ANKS1B: variants seen among roughly 807,000 people sequenced by gnomAD.
The protein encoded by ANKS1B is ankyrin repeat and sterile alpha motif domain-containing protein 1B.
In ANKS1B, 36 loss-of-function variants were observed where a neutral mutation model predicts 148.3. The ratio of observed to expected loss-of-function variants is 0.24; its 90% confidence interval spans 0.19 to 0.32. The LOEUF (loss-of-function observed/expected upper bound fraction) is 0.32, where lower values mean the gene tolerates loss of function less well. Ranked by LOEUF, ANKS1B falls within the 10% of genes least tolerant of loss-of-function variation. ANKS1B has a pLI of 1.00. For synonymous variants in ANKS1B, 542 were observed against 560.8 expected, an observed-to-expected ratio of 0.97 and a Z score of 0.47; for missense variants, 1,157 against 1,542.6, an observed-to-expected ratio of 0.75 and a Z score of 4.19.
chr12:99,840,693 T>C (rs765537706), intron 1 of ANKS1B, among the ~76,000 whole-genome samples: 2 of 152,078 alleles, frequency 1.3e-5, no homozygotes, highest in African/African-American at 2.4e-5. Context: ...AACTAGAAAA[T>C]TGGAATTGCC....
At chr12:99,900,011 G>T (rs554358335) in intron 1 of ANKS1B, among the ~76,000 whole-genome samples, 1 of 151,804 alleles carries the variant, frequency 6.6e-6, no homozygotes, top group East Asian at 2.0e-4. Flanking sequence ...CGATTCTCCT[G>T]CCTCAGCCTC....
rs781754804 is a variant in ANKS1B, at chr12:98,801,131, A to G, written c.3142-6T>C. 9.9e-6 allele frequency: 16 copies of G among 1,611,396 alleles called. 1 individual carries two copies. The highest frequency in any genetic ancestry group is 3.3e-4 in the Middle Eastern group (2 of 6,052). On this transcript the variant is annotated splice_polypyrimidine_tract_variant and splice_region_variant and intron_variant, in intron 20 of 26. Coordinates refer to ENST00000683438, the MANE Select transcript of ANKS1B (RefSeq NM_001352186.2). This position sits in a 1 kb window ranked among gnomAD's most constrained non-coding sequence, Gnocchi z 5.2. ...GGTTCTCCCCAGTCTCCTGTCTGAAAATGACATTTATTCTAGAGGCAATAT... is the reference window on the plus strand; with the variant it reads ...GGTTCTCCCCAGTCTCCTGTCTGAAGATGACATTTATTCTAGAGGCAATAT...
chr12:99,900,963 C>T (rs2093578977), intron 1 of ANKS1B, among the ~76,000 whole-genome samples: 1 of 152,104 alleles, frequency 6.6e-6, no homozygotes, highest in African/African-American at 2.4e-5. Context: ...CTTTTTGTTT[C>T]TGAAGAATGA....
chr12:99,442,393 C>T (rs1262063916), intron 11 of ANKS1B, among the ~76,000 whole-genome samples: 1 of 151,778 alleles, frequency 6.6e-6, no homozygotes, highest in Non-Finnish European at 1.5e-5. Flanking sequence ...CAAATGTTAC[C>T]TGTGCCTAAA....
chr12:99,906,487 T>G (rs80033415), intron 1 of ANKS1B, among the ~76,000 whole-genome samples: 1,618 of 152,322 alleles, frequency 0.011, 22 homozygotes, highest in African/African-American at 0.036. Context: ...ACACCTAATA[T>G]AACTCATTCT....
chr12:99,691,103 T>C (rs777393480), intron 8 of ANKS1B, among the ~76,000 whole-genome samples: 1 of 152,250 alleles, frequency 6.6e-6, no homozygotes, highest in African/African-American at 2.4e-5. Context: ...GACCAAGCTG[T>C]ACCTTTGCCC....
chr12:99,512,597 C>A (rs2096777627), intron 9 of ANKS1B, among the ~76,000 whole-genome samples: 1 of 152,002 alleles, frequency 6.6e-6, no homozygotes, highest in Non-Finnish European at 1.5e-5. Flanking sequence ...AAGATACATG[C>A]ACATATAAGT....
chr12:99,112,580 A>G (rs1194385388), intron 15 of ANKS1B, among the ~76,000 whole-genome samples: 2 of 152,096 alleles, frequency 1.3e-5, no homozygotes, highest in East Asian at 3.9e-4. Flanking sequence ...TGATCCTGGC[A>G]CAGTATGTAT....
At chr12:99,431,264 T>C (rs1334659396) in intron 11 of ANKS1B, among the ~76,000 whole-genome samples, 2 of 152,238 alleles carry the variant, frequency 1.3e-5, no homozygotes, top group Non-Finnish European at 2.9e-5. Flanking sequence ...ATAATGGTCT[T>C]ATCCATCTCA....
At chr12:98,955,534 A>T (rs2099860778) in intron 17 of ANKS1B, among the ~76,000 whole-genome samples, 1 of 152,202 alleles carries the variant, frequency 6.6e-6, no homozygotes, top group African/African-American at 2.4e-5. Flanking sequence ...GGCCACTGCA[A>T]TAATACAGAC....
chr12:99,160,525 T>C (rs1201319500), intron 14 of ANKS1B, among the ~76,000 whole-genome samples: 2 of 150,762 alleles, frequency 1.3e-5, no homozygotes, highest in South Asian at 2.1e-4. Flanking sequence ...TTTTTTTGTA[T>C]TTTTAGTAGA....
At chr12:99,638,378 T>C (rs527876998) in intron 9 of ANKS1B, among the ~76,000 whole-genome samples, 1 of 152,248 alleles carries the variant, frequency 6.6e-6, no homozygotes, top group East Asian at 1.9e-4. Flanking sequence ...TGATGGACAA[T>C]GAAGTCCAGG....
intron 17 of ANKS1B, among the ~76,000 whole-genome samples, chr12:99,031,922 A>G (rs988573281): frequency 5.3e-5 from 8 of 152,248 alleles, no homozygotes; most frequent in Non-Finnish European, 1.2e-4. Context: ...CCTAATGATG[A>G]AACAGAAATT....
intron 1 of ANKS1B, among the ~76,000 whole-genome samples, chr12:99,878,618 T>A (rs575708025): frequency 3.0e-4 from 45 of 152,320 alleles, no homozygotes; most frequent in African/African-American, 1.0e-3. Context: ...ATACTGATCA[T>A]CTATCTTTTT....
chr12:99,974,807 G>A (rs1042199741), intron 1 of ANKS1B, among the ~76,000 whole-genome samples: 2 of 151,952 alleles, frequency 1.3e-5, no homozygotes, highest in African/African-American at 4.8e-5. Flanking sequence ...CTCCTACCTT[G>A]GCCTCCCAAA....
chr12:99,339,006 G>T (rs766683126), intron 12 of ANKS1B, among the ~76,000 whole-genome samples: 1 of 152,162 alleles, frequency 6.6e-6, no homozygotes, highest in East Asian at 1.9e-4. Flanking sequence ...GCTGGGTGAG[G>T]AGTGGTGCAA....
At chr12:99,650,369 T>C (rs2098411292) in intron 9 of ANKS1B, among the ~76,000 whole-genome samples, 4 of 152,168 alleles carry the variant, frequency 2.6e-5, no homozygotes, top group Admixed American at 6.5e-5. Flanking sequence ...TTTCAGTAGA[T>C]TGTTTCTTTA....
chr12:99,000,799 G>A (rs776139927), intron 17 of ANKS1B, among the ~76,000 whole-genome samples: 12 of 152,050 alleles, frequency 7.9e-5, no homozygotes, highest in East Asian at 5.8e-4. Flanking sequence ...TTCTACTCTC[G>A]CATTATGTGA....
At chr12:99,799,171 A>G (rs1312217980) in intron 4 of ANKS1B, among the ~76,000 whole-genome samples, 1 of 152,040 alleles carries the variant, frequency 6.6e-6, no homozygotes, top group Non-Finnish European at 1.5e-5. Flanking sequence ...ATATATGATA[A>G]ATGAATTGAT....
Sources: allele counts gnomAD v4.1 joint callset (sites outside exome capture counted in the v4.1 genomes callset), GRCh38; gene constraint gnomAD v4.1.1; non-coding constraint Gnocchi (gnomAD v3.1); transcripts MANE v1.5; gene names NCBI Gene and HGNC (gene_info 2026-07-23, HGNC 2026-07-21).